ATF2: variants seen among roughly 807,000 people sequenced by gnomAD.
ATF2 encodes cyclic AMP-dependent transcription factor ATF-2.
Under a neutral mutation model 60.6 loss-of-function variants are expected in ATF2, and 24 were observed. The ratio of observed to expected loss-of-function variants is 0.40; its 90% CI spans 0.29 to 0.56. The LOEUF is 0.56. ATF2 is among the 20% of genes least tolerant of loss of function. The pLI, the probability that ATF2 is intolerant of heterozygous loss-of-function variation, is 0.54. For missense variants in ATF2, 433 were observed against 607.7 expected, an observed-to-expected ratio of 0.71 and a Z score of 3.02; for synonymous variants, 206 against 215.4, an observed-to-expected ratio of 0.96 and a Z score of 0.38.
chr2:175,132,572 C>T (rs932522444), intron 3 of ATF2: 8 of 152,262 alleles, frequency 5.3e-5, no homozygotes, highest in South Asian at 2.1e-4. Context: ...TAAGAAATAA[C>T]CTTGCCAGGT....
At chr2:175,135,235 A>G (rs945248287) in intron 3 of ATF2, among the ~76,000 whole-genome samples, 3 of 152,182 alleles carry the variant, frequency 2.0e-5, no homozygotes, top group African/African-American at 7.2e-5. Flanking sequence ...TAGGAACTTC[A>G]TAATGGTTGG....
rs1408741901 is a variant in ATF2, at chr2:175,117,872, T to C, written c.447+118A>G. ...CTGAGTATTGACAGGCTTTCACATA[T>C]AAAACTATTGCAAGCTGACACTGAA... On this transcript the variant is annotated intron_variant, in intron 7 of 13. Coordinates refer to ENST00000264110, the MANE Select transcript of ATF2 (RefSeq NM_001880.4). 3 of 1,180,840 alleles carry C rather than the reference T, an allele frequency of 2.5e-6. No individual in the cohort carries two copies. The African/African-American group carries it at 4.7e-5, about 19-fold the overall frequency. 73.1% of individuals were successfully genotyped at this position (1,180,840 alleles called of 1,614,324 possible).
At chr2:175,134,117 G>GA (rs1697951440) in intron 3 of ATF2, among the ~76,000 whole-genome samples, 1 of 152,096 alleles carries the variant, frequency 6.6e-6, no homozygotes, top group Non-Finnish European at 1.5e-5. Flanking sequence ...AAATATGTGA[G>GA]AAAAAACTGC....
intron 1 of ATF2, among the ~76,000 whole-genome samples, chr2:175,163,542 A>G (rs1297645543): frequency 1.3e-5 from 2 of 152,200 alleles, no homozygotes; most frequent in Non-Finnish European, 2.9e-5. Context: ...GTTAAGATAC[A>G]GAATGCAAAT....
chr2:175,112,999 T>A (rs1574401102), intron 9 of ATF2, among the ~76,000 whole-genome samples: 1 of 152,284 alleles, frequency 6.6e-6, no homozygotes, highest in East Asian at 1.9e-4. Context: ...AAGTACCTAA[T>A]GCTTGGTGTA....
rs751860790 is a variant in ATF2, at chr2:175,093,155, G to C, written c.1091C>G (p.Ala364Gly). The part of the protein sequence containing the change: ...KRRKFLERNR[A>G]AASRCRQKRK... ...TTTTTGTCGGCATCTTGAAGCTGCT[G>C]CTCTATTTCGCTCTAAAAACTTTCT... Residue 364 changes from alanine (A) to glycine (G), a missense_variant, in exon 12 of 14, where the codon GCA becomes GGA. Ala to Gly is a moderately conservative substitution (Grantham distance 60, BLOSUM62 0). Coordinates refer to ENST00000264110, the MANE Select transcript of ATF2 (RefSeq NM_001880.4). 1 of 1,614,128 alleles carries C rather than the reference G, an allele frequency of 6.2e-7. No individual in the cohort carries two copies. Among genetic ancestry groups the C allele is most frequent in the Non-Finnish European group, 8.5e-7 (1 of 1,180,016 alleles).
chr2:175,134,092 T>G (rs1446736492), intron 3 of ATF2, among the ~76,000 whole-genome samples: 1 of 152,156 alleles, frequency 6.6e-6, no homozygotes, highest in Non-Finnish European at 1.5e-5. Context: ...ATGGATTCAA[T>G]CAATCTTGGA....
intron 11 of ATF2, among the ~76,000 whole-genome samples, chr2:175,096,120 G>C (rs957073929): frequency 6.6e-6 from 1 of 152,144 alleles, no homozygotes; most frequent in South Asian, 2.1e-4. Flanking sequence ...GTGTTTCTTT[G>C]ATTGAAAACT....
intron 13 of ATF2, among the ~76,000 whole-genome samples, chr2:175,078,681 TTTTAAAG>T (rs1332809856): frequency 6.6e-6 from 1 of 152,214 alleles, no homozygotes; most frequent in East Asian, 1.9e-4. Flanking sequence ...TCCCAAATGT[TTTTAAAG>T]ATTTAGCTAG....
chr2:175,145,394 C>T (rs1011464021), intron 2 of ATF2, among the ~76,000 whole-genome samples: 4 of 152,144 alleles, frequency 2.6e-5, no homozygotes, highest in Non-Finnish European at 5.9e-5. Flanking sequence ...GTGCCCCCTG[C>T]AACTCTCTTC....
At chr2:175,091,980 T>C (rs1390918279) in intron 12 of ATF2, among the ~76,000 whole-genome samples, 4 of 152,364 alleles carry the variant, frequency 2.6e-5, no homozygotes, top group East Asian at 3.9e-4. Context: ...TAAAATTTTC[T>C]TCTAAATCAT....
intron 11 of ATF2, among the ~76,000 whole-genome samples, chr2:175,093,692 C>T (rs1181149484): frequency 6.6e-6 from 1 of 151,870 alleles, no homozygotes; most frequent in African/African-American, 2.4e-5. Context: ...GATAGAAAAC[C>T]ATGATTTCTA....
At chr2:175,145,861 A>G (rs1359926340) in intron 2 of ATF2, among the ~76,000 whole-genome samples, 3 of 152,200 alleles carry the variant, frequency 2.0e-5, no homozygotes, top group African/African-American at 7.2e-5. Flanking sequence ...TCGTAAATAA[A>G]GAGGGTTCTA....
At chr2:175,109,270 A>G (rs1696003696) in intron 10 of ATF2, among the ~76,000 whole-genome samples, 1 of 152,142 alleles carries the variant, frequency 6.6e-6, no homozygotes, top group Admixed American at 6.5e-5. Flanking sequence ...GAGAATGGAC[A>G]AAGAAATTGT....
Position 175,074,698 on chromosome 2 carries a change from G to A in ATF2, c.1429C>T (p.Leu477Phe), listed in dbSNP as rs1255413728. The part of the protein sequence containing the change: ...SKAEAVATSV[L>F]TQMADQSTEP... The stretch of plus-strand genomic sequence containing the variant: ...GTACTCTGGTCCGCCATCTGGGTGA[G>A]GACTGAAGTGGCTACAGCTTCTGCC... Residue 477 changes from leucine to phenylalanine, a missense_variant, in exon 14 of 14, where the codon CTC becomes TTC. By Grantham distance (22) the Leu-to-Phe change is conservative. Around this residue, in one of 5 missense-constraint regions of ATF2, gnomAD observed 114 missense variants for 104.0 expected, o/e 1.10. Transcript: ENST00000264110. 6.2e-7 allele frequency: 1 copy of A among 1,613,474 alleles called. No individual in the cohort carries two copies. The highest frequency in any genetic ancestry group is 8.5e-7 in the Non-Finnish European group (1 of 1,179,694).
intron 3 of ATF2, among the ~76,000 whole-genome samples, chr2:175,134,540 T>TAAAAAAAAAAAAAAAA (rs34374458): frequency 7.4e-6 from 1 of 134,986 alleles, no homozygotes; most frequent in Non-Finnish European, 1.6e-5. Context: ...AAAACTGGTT[T>TAAAAAAAAAAAAAAAA]AAAAAAAAAA....
chr2:175,114,651 A>G, intron 8 of ATF2, 39 bp downstream of exon 8: 1 of 1,583,126 alleles, frequency 6.3e-7, no homozygotes, highest in African/African-American at 1.3e-5. Flanking sequence ...AACAAACTTA[A>G]TTCATGTATA....
intron 10 of ATF2, among the ~76,000 whole-genome samples, chr2:175,106,073 A>G (rs1028345916): frequency 1.3e-5 from 2 of 152,214 alleles, no homozygotes; most frequent in African/African-American, 2.4e-5. Flanking sequence ...AAGCAAATTA[A>G]GCTTAATTAA....
At chr2:175,166,131 G>C (rs1424370514) in intron 1 of ATF2, among the ~76,000 whole-genome samples, 1 of 152,148 alleles carries the variant, frequency 6.6e-6, no homozygotes, top group East Asian at 1.9e-4. Context: ...CGGAGCTATA[G>C]AAGGTATTAT....
Sources: gnomAD v4.1 joint callset for allele counts (sites outside exome capture counted in the v4.1 genomes callset) on GRCh38, gnomAD v4.1.1 for gene constraint, gnomAD v4.1.1 regional missense constraint, MANE v1.5 for transcripts, NCBI Gene and HGNC (gene_info 2026-07-23, HGNC 2026-07-21) for gene names.